CIITA: variants seen among roughly 807,000 people sequenced by gnomAD.
CIITA encodes MHC class II transactivator.
In CIITA, 72 loss-of-function variants were observed where a neutral mutation model predicts 115.1. The observed-to-expected ratio is 0.63, with a 90% CI of 0.52 to 0.76. The LOEUF (loss-of-function observed/expected upper bound fraction) is 0.76. CIITA is among the 30% of genes least tolerant of loss of function. The pLI, the probability that CIITA is intolerant of heterozygous loss-of-function variation, is 0.00. For synonymous variants in CIITA, 763 were observed against 635.6 expected (o/e 1.20, Z -3.02); for missense variants, 1,617 against 1,463.8 (o/e 1.10, Z -1.71).
At chr16:10,896,417 G>A (rs1290809152) in intron 3 of CIITA, among the ~76,000 whole-genome samples, 1 of 152,218 alleles carries the variant, frequency 6.6e-6, no homozygotes, top group Non-Finnish European at 1.5e-5. Flanking sequence ...TAAGGCTTAA[G>A]CAGAGAAGCT....
In CIITA at chr16:10,923,304, T is replaced by A. The variant is rs1229644546; in HGVS notation, c.*1T>A. The A allele has an allele frequency of 1.5e-6, 2 of 1,311,488 alleles. No homozygotes were observed. The highest frequency in any genetic ancestry group is 2.1e-6 in the Non-Finnish European group (2 of 954,276). The allele number at this position is 1,311,488 out of a possible 1,614,324, so 81.2% of individuals were successfully genotyped here. A position where few individuals can be genotyped will look rare whatever the true frequency, so the allele number is the denominator to read the frequency against. On this transcript the variant is annotated 3_prime_UTR_variant, in exon 19 of 20. Transcript: ENST00000324288. The surrounding 1 kb of genome is among the most constrained non-coding windows in gnomAD (Gnocchi z 5.2). ...GGATTCACGGATCAGCCTGAGATGA[T>A]CCCAGCTGTGCTCTGGACAGGGTAA...
Position 10,916,412 on chromosome 16 carries a change from G to T in CIITA, c.3015G>T (p.Ser1005=). Residue 1005 remains serine (S), a synonymous_variant, in exon 15 of 20, where the codon TCG becomes TCT. Coordinates refer to ENST00000324288, the MANE Select transcript of CIITA (RefSeq NM_000246.4). The stretch of plus-strand genomic sequence containing the variant: ...ACAAGATCGGGGACGAGGGTGTCTC[G>T]CAGCTCTCAGCCACCTTCCCCCAGC... The part of the protein sequence containing the change: ...SENKIGDEGV[S]QLSATFPQLK... 6.2e-7 allele frequency: 1 copy of T among 1,613,514 alleles called. No individual in the cohort carries two copies. The highest frequency in any genetic ancestry group is 8.5e-7 in the Non-Finnish European group (1 of 1,179,708).
At chr16:10,895,153 G>T in intron 1 of CIITA, 129 bp from the exon 2 acceptor site, 1 of 1,039,544 alleles carries the variant, frequency 9.6e-7, no homozygotes, top group Non-Finnish European at 1.5e-6. Flanking sequence ...CATATAAGAG[G>T]TGCTGAATGA....
In CIITA at chr16:10,907,211, G is replaced by T; in HGVS notation, c.1719G>T (p.Gln573His). Residue 573 changes from glutamine to histidine, a missense_variant, in exon 11 of 20, where the codon CAG (glutamine) becomes CAT (histidine). Coordinates refer to ENST00000324288, the MANE Select transcript of CIITA (RefSeq NM_000246.4). The surrounding 1 kb of genome is among the most constrained non-coding windows in gnomAD (Gnocchi z 5.0). ...LFELSGFSME[Q>H]AQAYVMRYFE... is the part of the protein sequence containing the mutation. ...AGCTGTCCGGCTTCTCCATGGAGCA[G>T]GCCCAGGCATACGTGATGCGCTACT... 1 of 1,613,474 alleles carries T rather than the reference G, an allele frequency of 6.2e-7. No individual in the cohort carries two copies. The highest frequency in any genetic ancestry group is 1.6e-4 in the Middle Eastern group (1 of 6,062).
Position 10,907,091 on chromosome 16 carries a change from C to T in CIITA, c.1599C>T (p.Phe533=). 6.2e-7 allele frequency: 1 copy of T among 1,608,908 alleles called. No homozygotes were observed. Among genetic ancestry groups the T allele is most frequent in the Non-Finnish European group, 8.5e-7 (1 of 1,179,780 alleles). ...CSLRGLLAGL[F]QKKLLRGCTL... ...TCCGGGGGCTGCTGGCCGGCCTTTT[C>T]CAGAAGAAGCTGCTCCGAGGTTGCA... The change falls in exon 11 of 20, where the codon TTC becomes TTT. Residue 533 remains phenylalanine, a synonymous_variant. Coordinates refer to ENST00000324288, the MANE Select transcript of CIITA (RefSeq NM_000246.4). This position sits in a 1 kb window ranked among gnomAD's most constrained non-coding sequence, Gnocchi z 5.0.
intron 1 of CIITA, among the ~76,000 whole-genome samples, chr16:10,893,532 A>C (rs1474339012): frequency 1.3e-5 from 2 of 152,288 alleles, no homozygotes; most frequent in South Asian, 4.2e-4. Context: ...CCACTTAAAA[A>C]GTACAGTTCA....
At chr16:10,898,649 C>T (rs753067742) in intron 3 of CIITA, 21 bp from the exon 4 acceptor site, 50 of 1,599,912 alleles carry the variant, frequency 3.1e-5, no homozygotes, top group Non-Finnish European at 3.7e-5. Context: ...TGATTGACTG[C>T]GCTTTTCCTT....
chr16:10,901,007 AG>A lies in CIITA; in HGVS notation c.437-506del, dbSNP rs1485566163. 6.6e-6 allele frequency among the ~76,000 whole-genome samples: 1 copy of A among 152,192 alleles called. No individual in the cohort carries two copies. The highest frequency in any genetic ancestry group is 1.5e-5 in the Non-Finnish European group (1 of 68,036). On this transcript the variant is annotated intron_variant, in intron 5 of 19. Coordinates refer to ENST00000324288, the MANE Select transcript of CIITA (RefSeq NM_000246.4). The surrounding 1 kb of genome is among the most constrained non-coding windows in gnomAD (Gnocchi z 6.8). ...AGCATCCTTTCTTTTAAGGCCATGCAGTGTTTCGTTGGGTAGATGAACCATA... is the reference window on the plus strand; with the variant it reads ...AGCATCCTTTCTTTTAAGGCCATGCATGTTTCGTTGGGTAGATGAACCATA...
chr16:10,922,512 G>A, intron 18 of CIITA, 22 bp downstream of exon 18: 1 of 1,613,112 alleles, frequency 6.2e-7, no homozygotes, highest in Non-Finnish European at 8.5e-7. Context: ...CAACCCTGGT[G>A]GGTGGAGAAC....
At chr16:10,936,608 G>A (rs1394626579), downstream of CIITA, 1 of 152,190 alleles carries the variant, frequency 6.6e-6, no homozygotes, top group Non-Finnish European at 1.5e-5. Context: ...AGAGGTTTTT[G>A]TTTGTTTGTT....
At chr16:10,870,012 G>C (rs1251081289) in intron 1 of CIITA, among the ~76,000 whole-genome samples, 5 of 151,774 alleles carry the variant, frequency 3.3e-5, no homozygotes, top group Non-Finnish European at 5.9e-5. Context: ...TTGATGAGTG[G>C]GTAGATGGAT....
intron 1 of CIITA, chr16:10,888,564 G>A (rs1410415725): frequency 6.6e-6 from 1 of 152,254 alleles, no homozygotes; most frequent in East Asian, 1.9e-4. Flanking sequence ...TCTACACTTA[G>A]CCTTTCAAAT....
chr16:10,879,478 C>T lies in CIITA; in HGVS notation c.52+2096C>T, dbSNP rs2036192075. On this transcript the variant is annotated intron_variant, in intron 1 of 19. Transcript: ENST00000324288. The surrounding 1 kb of genome is among the most constrained non-coding windows in gnomAD (Gnocchi z 4.3). ...CTGAGCTTCACTTTCCCTGTTGGGT[C>T]ATATTCCATCTCTAACTCTGGAATC... 6.6e-6 allele frequency among the ~76,000 whole-genome samples: 1 copy of T among 152,240 alleles called. No homozygotes were observed. Among genetic ancestry groups the T allele is most frequent in the South Asian group, 2.1e-4 (1 of 4,838 alleles).
chr16:10,887,704 A>T (rs1043380831), intron 1 of CIITA, among the ~76,000 whole-genome samples: 3 of 152,178 alleles, frequency 2.0e-5, no homozygotes, highest in Non-Finnish European at 1.5e-5. Context: ...CATGCTGGTC[A>T]GGCTGGTCTT....
intron 13 of CIITA, among the ~76,000 whole-genome samples, chr16:10,911,394 C>CTCTT (rs58367845): frequency 2.1e-5 from 3 of 142,802 alleles, no homozygotes; most frequent in African/African-American, 5.3e-5. Context: ...CTCTCTCTCT[C>CTCTT]CCTTCCTTCC....
rs541276235 is a variant in CIITA at position 10,907,589 on chromosome 16, G to T, written c.2097G>T (p.Pro699=). The T allele has an allele frequency of 3.2e-5, 51 of 1,614,068 alleles. No homozygotes were observed. Among genetic ancestry groups the T allele is most frequent in the Non-Finnish European group, 4.1e-5 (48 of 1,180,036 alleles). ...CCAAAGGCTTAGTCCAACACCCACC[G>T]CGGGCCGCAGAGTCCGAGCTGGCCT... ...AMAKGLVQHP[P]RAAESELAFP... The change falls in exon 11 of 20, where the codon CCG becomes CCT. Residue 699 remains proline (P), a synonymous_variant. Coordinates refer to ENST00000324288, the MANE Select transcript of CIITA (RefSeq NM_000246.4). The surrounding 1 kb of genome is among the most constrained non-coding windows in gnomAD (Gnocchi z 5.0).
intron 1 of CIITA, among the ~76,000 whole-genome samples, chr16:10,868,761 T>C (rs192831013): frequency 5.9e-5 from 9 of 152,314 alleles, no homozygotes; most frequent in Admixed American, 4.6e-4. Flanking sequence ...GTTCCTGTTA[T>C]TTAACTCTGT....
At chr16:10,895,968 TCA>T (rs2038086501) in intron 3 of CIITA, among the ~76,000 whole-genome samples, 1 of 151,978 alleles carries the variant, frequency 6.6e-6, no homozygotes. Flanking sequence ...ATAGGCCCCT[TCA>T]CTAATGACCA....
At chr16:10,906,407 G>A (rs1460551977) in intron 10 of CIITA, 92 bp from the exon 11 acceptor site, 6 of 1,389,526 alleles carry the variant, frequency 4.3e-6, no homozygotes, top group Admixed American at 1.7e-5. Context: ...GGGAACAGAT[G>A]TAAATGATGG....
Sources: allele counts gnomAD v4.1 joint callset (sites outside exome capture counted in the v4.1 genomes callset), GRCh38; gene constraint gnomAD v4.1.1; non-coding constraint Gnocchi (gnomAD v3.1); transcripts MANE v1.5; gene names NCBI Gene and HGNC (gene_info 2026-07-23, HGNC 2026-07-21).